Variants in PTPRK observed in about 807,000 individuals in gnomAD.
The protein encoded by PTPRK is receptor-type tyrosine-protein phosphatase kappa.
A neutral mutation model predicts 178.0 loss-of-function variants in PTPRK; 75 were observed. The observed-to-expected ratio is 0.42, with a 90% CI of 0.35 to 0.51. The LOEUF is 0.51. PTPRK is among the 20% of genes least tolerant of loss of function. PTPRK has a pLI of 0.02. For missense variants in PTPRK, 1,441 were observed against 1,797.8 expected (o/e 0.80, Z 3.59); for synonymous variants, 637 against 620.6 (o/e 1.03, Z -0.39).
At chr6:128,427,179 G>A (rs1292107799) in intron 1 of PTPRK, among the ~76,000 whole-genome samples, 1 of 152,186 alleles carries the variant, frequency 6.6e-6, no homozygotes, top group East Asian at 1.9e-4. Flanking sequence ...GTGCTTATGT[G>A]CTTTGTGTGC....
At chr6:128,373,488 G>A (rs1467310823) in intron 2 of PTPRK, among the ~76,000 whole-genome samples, 2 of 152,164 alleles carry the variant, frequency 1.3e-5, no homozygotes. Context: ...ATATACAGAA[G>A]TTTCTGGGGG....
chr6:128,444,868 T>A (rs1314592195), intron 1 of PTPRK, among the ~76,000 whole-genome samples: 1 of 152,108 alleles, frequency 6.6e-6, no homozygotes, highest in Non-Finnish European at 1.5e-5. Flanking sequence ...GCAGGTGAAA[T>A]TATTGAGAGA....
rs1003067252 is a variant in PTPRK at position 128,306,629 on chromosome 6, G to GA, written c.495+15409dup. On this transcript the variant is annotated intron_variant, in intron 3 of 29. Coordinates refer to ENST00000368226, the MANE Select transcript of PTPRK (RefSeq NM_002844.4). ...GTCAACATAGGCAGACAGCATCTCT[G>GA]AAAAAAAAAATTTAAAAATTAGCCG... is the stretch of plus-strand genomic sequence containing the variant. Among the ~76,000 whole-genome samples the GA allele has an allele frequency of 2.5e-3, 375 of 149,874 alleles. 1 individual carries two copies. Among genetic ancestry groups the GA allele is most frequent in the African/African-American group, 8.8e-3 (359 of 40,908 alleles).
intron 3 of PTPRK, among the ~76,000 whole-genome samples, chr6:128,294,239 G>C (rs1368480524): frequency 6.6e-6 from 1 of 152,042 alleles, no homozygotes. Context: ...TCTATGAGCA[G>C]ATTATTTTAT....
intron 1 of PTPRK, among the ~76,000 whole-genome samples, chr6:128,437,924 A>C (rs1845802540): frequency 6.6e-6 from 1 of 152,206 alleles, no homozygotes; most frequent in South Asian, 2.1e-4. Flanking sequence ...GGCGGGAGAG[A>C]TCAGTTTCAA....
intron 2 of PTPRK, among the ~76,000 whole-genome samples, chr6:128,348,270 A>C (rs776859798): frequency 6.6e-6 from 1 of 152,034 alleles, no homozygotes; most frequent in Non-Finnish European, 1.5e-5. Flanking sequence ...GATTAAGCAA[A>C]GACCCAAAAT....
intron 2 of PTPRK, among the ~76,000 whole-genome samples, chr6:128,376,696 A>T (rs950023924): frequency 9.2e-5 from 14 of 152,138 alleles, no homozygotes; most frequent in African/African-American, 3.4e-4. Flanking sequence ...CCAGACTTTT[A>T]TGCTATGTTT....
chr6:128,385,397 A>C (rs901387867), intron 2 of PTPRK, among the ~76,000 whole-genome samples: 3 of 152,114 alleles, frequency 2.0e-5, no homozygotes, highest in African/African-American at 7.2e-5. Flanking sequence ...CACCATTATA[A>C]GGCTTGCATG....
chr6:128,345,304 G>A (rs867410771), intron 2 of PTPRK, among the ~76,000 whole-genome samples: 9 of 152,064 alleles, frequency 5.9e-5, no homozygotes, highest in Non-Finnish European at 8.8e-5. Context: ...TTAGATACAG[G>A]CAAAAAGATG....
At chr6:128,393,625 G>T (rs896122721) in intron 2 of PTPRK, among the ~76,000 whole-genome samples, 12 of 152,148 alleles carry the variant, frequency 7.9e-5, no homozygotes, top group African/African-American at 2.9e-4. Context: ...AAATATTTCA[G>T]CAGAGGGAAA....
At position 128,377,930 on chromosome 6, in the gene PTPRK, C is replaced by A. The variant is rs2128353779; in HGVS notation, c.223+19636G>T. 2.6e-5 allele frequency among the ~76,000 whole-genome samples: 4 copies of A among 152,136 alleles called. No individual in the cohort carries two copies. The South Asian group carries it at 8.3e-4, about 32-fold the overall frequency. On this transcript the variant is annotated intron_variant, in intron 2 of 29. Transcript: ENST00000368226. Reference sequence around the variant, plus strand: ...AATTTTAAACACATTAGAATTCTTTCTTTCTTACTGTTGAAAAAGAGCACA... The same window carrying A: ...AATTTTAAACACATTAGAATTCTTTATTTCTTACTGTTGAAAAAGAGCACA...
intron 21 of PTPRK, among the ~76,000 whole-genome samples, chr6:127,988,763 T>C (rs964831657): frequency 4.6e-5 from 7 of 152,068 alleles, no homozygotes; most frequent in Admixed American, 6.5e-5. Flanking sequence ...AGTGGTTTAA[T>C]TACTTTATTG....
chr6:128,470,183 T>A (rs1469735227), intron 1 of PTPRK, among the ~76,000 whole-genome samples: 2 of 151,968 alleles, frequency 1.3e-5, no homozygotes, highest in Non-Finnish European at 2.9e-5. Context: ...CTTATATAAC[T>A]TGTAGTTTGG....
chr6:128,488,863 A>G (rs1391130972), intron 1 of PTPRK, among the ~76,000 whole-genome samples: 1 of 152,316 alleles, frequency 6.6e-6, no homozygotes, highest in South Asian at 2.1e-4. Context: ...TGCAATAAAT[A>G]CTTTTTCAGC....
chr6:128,278,218 G>A (rs186441436), intron 3 of PTPRK, among the ~76,000 whole-genome samples: 15 of 151,746 alleles, frequency 9.9e-5, no homozygotes, highest in African/African-American at 2.4e-4. Context: ...GTGCAATGGC[G>A]TGATCTTAGC....
At chr6:128,046,628 C>T (rs1010774439) in intron 13 of PTPRK, among the ~76,000 whole-genome samples, 1 of 152,156 alleles carries the variant, frequency 6.6e-6, no homozygotes, top group Non-Finnish European at 1.5e-5. Context: ...CATCTTAGTA[C>T]AATTTAAGAA....
chr6:128,471,516 G>A (rs1850649344), intron 1 of PTPRK, among the ~76,000 whole-genome samples: 1 of 147,334 alleles, frequency 6.8e-6, no homozygotes, highest in Non-Finnish European at 1.5e-5. Context: ...TAATATTACA[G>A]AGGAGAAAAG....
chr6:128,278,385 C>T (rs888096109), intron 3 of PTPRK, among the ~76,000 whole-genome samples: 2 of 151,888 alleles, frequency 1.3e-5, no homozygotes, highest in Non-Finnish European at 2.9e-5. Flanking sequence ...CTTGAAATCC[C>T]GACTTTGTGA....
chr6:128,108,069 AACAC>A (rs67513455), intron 7 of PTPRK, among the ~76,000 whole-genome samples: 10,548 of 133,684 alleles, frequency 0.079, 399 homozygotes, highest in South Asian at 0.15. Flanking sequence ...TAAATAGCAA[AACAC>A]ACACACACAC....
Sources: gnomAD v4.1 joint callset for allele counts (sites outside exome capture counted in the v4.1 genomes callset) on GRCh38, gnomAD v4.1.1 for gene constraint, MANE v1.5 for transcripts, NCBI Gene and HGNC (gene_info 2026-07-23, HGNC 2026-07-21) for gene names.